Variants in IRX2 observed in about 807,000 individuals in gnomAD.
IRX2 encodes iroquois-class homeodomain protein IRX-2.
IRX2 carries 26 observed loss-of-function variants against 42.9 expected under a neutral mutation model. The ratio of observed to expected loss-of-function variants is 0.61; its 90% CI spans 0.44 to 0.84. IRX2 has a LOEUF of 0.84. Ranked by LOEUF, IRX2 falls within the 40% of genes least tolerant of loss-of-function variation. The pLI is 0.00. For synonymous variants in IRX2, 424 were observed against 353.9 expected, an observed-to-expected ratio of 1.20 and a Z score of -2.22; for missense variants, 782 against 713.9, an observed-to-expected ratio of 1.10 and a Z score of -1.09.
the IRX2 span, among the ~76,000 whole-genome samples, chr5:2,739,073 G>A: frequency 1.3e-5 from 2 of 152,216 alleles, no homozygotes; most frequent in African/African-American, 4.8e-5. Flanking sequence ...GCCCTCCAGC[G>A]GGTTCTGGTG....
At position 2,751,345 on chromosome 5, in the gene IRX2, G is replaced by A. The variant is rs1269177112; in HGVS notation, c.69C>T (p.Tyr23=). The A allele has an allele frequency of 2.1e-6, 3 of 1,441,098 alleles. 1 individual carries two copies. Among genetic ancestry groups the A allele is most frequent in the South Asian group, 2.6e-5 (2 of 76,094 alleles). 89.3% of individuals were successfully genotyped at this position (1,441,098 alleles called of 1,614,324 possible). The change falls in exon 1 of 4, where the codon TAC becomes TAT. Residue 23 remains tyrosine (Y), a synonymous_variant. Transcript: ENST00000302057. This position sits in a 1 kb window ranked among gnomAD's most constrained non-coding sequence, Gnocchi z 4.0. The stretch of plus-strand genomic sequence containing the variant: ...GCGGAGCCGCCAAAGCCGACGCGCC[G>A]TAGGCCGGGCACGAGTAGAGCGCCA... ...GSLALYSCPA[Y]GASALAAPRS...
downstream of IRX2, among the ~76,000 whole-genome samples, chr5:2,745,572 G>T (rs1200339411): frequency 6.6e-6 from 1 of 152,112 alleles, no homozygotes; most frequent in African/African-American, 2.4e-5. Flanking sequence ...TTCCCCCAGG[G>T]TAAGAGTAAG....
At chr5:2,735,719 A>T in the IRX2 span, among the ~76,000 whole-genome samples, 1 of 152,210 alleles carries the variant, frequency 6.6e-6, no homozygotes, top group South Asian at 2.1e-4. Flanking sequence ...ATGTAAGCAG[A>T]GTCTGGCATC....
chr5:2,743,365 G>A (rs1465090225), downstream of IRX2, among the ~76,000 whole-genome samples: 1 of 152,290 alleles, frequency 6.6e-6, no homozygotes, highest in East Asian at 1.9e-4. Context: ...GGCGCGGGAG[G>A]CAGCGCCCGC....
rs1737996325 is a variant in IRX2 at position 2,751,589 on chromosome 5, G to A, written c.-176C>T. On this transcript the variant is annotated 5_prime_UTR_variant, in exon 1 of 4. Transcript: ENST00000302057. The surrounding 1 kb of genome is among the most constrained non-coding windows in gnomAD (Gnocchi z 4.0). ...CGCGGGCCGGGGCGGCGGCGGGGTG[G>A]CGGTGGCGGCGGCAGCAGCGCGGAG... The A allele has an allele frequency of 9.8e-6, 2 of 203,468 alleles. No homozygotes were observed. Among genetic ancestry groups the A allele is most frequent in the South Asian group, 3.0e-4 (2 of 6,662 alleles). The allele number at this position is 203,468 out of a possible 1,614,324, so 12.6% of individuals were successfully genotyped here. A position where few individuals can be genotyped will look rare whatever the true frequency, so the allele number is the denominator to read the frequency against.
chr5:2,741,939 G>A (rs979728070), downstream of IRX2, among the ~76,000 whole-genome samples: 3 of 152,164 alleles, frequency 2.0e-5, no homozygotes, highest in African/African-American at 7.2e-5. Flanking sequence ...CTGGGATTGC[G>A]CAAATACGGA....
At chr5:2,738,679 G>A in the IRX2 span, among the ~76,000 whole-genome samples, 5,632 of 152,114 alleles carry the variant, frequency 0.037, 386 homozygotes, top group African/African-American at 0.13. Flanking sequence ...AGGTTACAAA[G>A]CACCCACCCC....
downstream of IRX2, among the ~76,000 whole-genome samples, chr5:2,741,814 T>C (rs948105212): frequency 2.0e-5 from 3 of 152,260 alleles, no homozygotes; most frequent in Non-Finnish European, 4.4e-5. Flanking sequence ...TTACATTTCA[T>C]TTATTTACAG....
the IRX2 span, among the ~76,000 whole-genome samples, chr5:2,738,843 C>A: frequency 6.6e-6 from 1 of 152,218 alleles, no homozygotes; most frequent in East Asian, 1.9e-4. Context: ...TCAGGGCCGC[C>A]AGAGGTCGCG....
At chr5:2,748,319 G>A in intron 3 of IRX2, 26 bp downstream of exon 3, 1 of 1,380,276 alleles carries the variant, frequency 7.2e-7, no homozygotes, top group Non-Finnish European at 9.3e-7. Flanking sequence ...TCCCCTCCCG[G>A]GCGCCGCCGG....
At chr5:2,742,124 T>C (rs956638870), downstream of IRX2, among the ~76,000 whole-genome samples, 18 of 152,178 alleles carry the variant, frequency 1.2e-4, no homozygotes, top group African/African-American at 4.3e-4. Context: ...GCCACATCCA[T>C]CTGTTTCTAG....
At position 2,751,515 on chromosome 5, in the gene IRX2, C is replaced by T; in HGVS notation, c.-102G>A. On this transcript the variant is annotated 5_prime_UTR_variant, in exon 1 of 4. Coordinates refer to ENST00000302057, the MANE Select transcript of IRX2 (RefSeq NM_033267.5). The surrounding 1 kb of genome is among the most constrained non-coding windows in gnomAD (Gnocchi z 4.0). ...CGGGGCGCGGCGCGGCGGCGGGCACCCGGACGGCCGGCGGAGGCAGGCCGG... is the reference window on the plus strand; with the variant it reads ...CGGGGCGCGGCGCGGCGGCGGGCACTCGGACGGCCGGCGGAGGCAGGCCGG... 2.4e-6 allele frequency: 2 copies of T among 839,158 alleles called. No homozygotes were observed. Among genetic ancestry groups the T allele is most frequent in the Non-Finnish European group, 2.9e-6 (2 of 700,064 alleles). The allele number at this position is 839,158 out of a possible 1,614,324, so 52.0% of individuals were successfully genotyped here.
Position 2,749,483 on chromosome 5 carries a change from T to C in IRX2, c.554A>G (p.Lys185Arg). Residue 185 changes from lysine to arginine, a missense_variant, in exon 2 of 4, where the codon AAA becomes AGA. Coordinates refer to ENST00000302057, the MANE Select transcript of IRX2 (RefSeq NM_033267.5). The part of the protein sequence containing the change: ...ENKMTWAPRN[K>R]SEDEDEDEGD... ...CTCGTCCTCGTCCTCATCTTCGCTTTTGTTTCTCGGGGCCCAGGTCATCTT... is the reference window on the plus strand; with the variant it reads ...CTCGTCCTCGTCCTCATCTTCGCTTCTGTTTCTCGGGGCCCAGGTCATCTT... 1 of 1,614,146 alleles carries C rather than the reference T, an allele frequency of 6.2e-7. No homozygotes were observed. Among genetic ancestry groups the C allele is most frequent in the Non-Finnish European group, 8.5e-7 (1 of 1,180,004 alleles).
At chr5:2,747,894 C>A (rs555466033) in intron 3 of IRX2, among the ~76,000 whole-genome samples, 1 of 152,210 alleles carries the variant, frequency 6.6e-6, no homozygotes, top group African/African-American at 2.4e-5. Flanking sequence ...CAACAAAAAG[C>A]GGAAAAAACA....
chr5:2,750,954 G>A (rs924633324), intron 1 of IRX2, among the ~76,000 whole-genome samples: 4 of 151,814 alleles, frequency 2.6e-5, no homozygotes, highest in Non-Finnish European at 4.4e-5. Context: ...GGTCCCGGCC[G>A]GGCTCAGGGA....
downstream of IRX2, among the ~76,000 whole-genome samples, chr5:2,744,137 C>G (rs376130459): frequency 6.7e-6 from 1 of 149,380 alleles, no homozygotes; most frequent in Non-Finnish European, 1.5e-5. Context: ...GAACAGGGAT[C>G]GCATGTTCAG....
intron 3 of IRX2, 76 bp downstream of exon 3, chr5:2,748,269 G>T (rs565920856): frequency 8.5e-6 from 11 of 1,291,890 alleles, no homozygotes; most frequent in Middle Eastern, 2.8e-4. Flanking sequence ...CCCTCCCTCG[G>T]GTCTCCCGGG....
the IRX2 span, among the ~76,000 whole-genome samples, chr5:2,738,326 T>C: frequency 6.6e-6 from 1 of 152,342 alleles, no homozygotes; most frequent in Non-Finnish European, 1.5e-5. Flanking sequence ...TCTGGGCCCA[T>C]TATCATGAAG....
chr5:2,750,078 C>T (rs1226133086), intron 1 of IRX2, among the ~76,000 whole-genome samples: 2 of 152,144 alleles, frequency 1.3e-5, no homozygotes, highest in African/African-American at 4.8e-5. Flanking sequence ...GTACACAAAC[C>T]CTTGCACGTG....
Sources: allele counts gnomAD v4.1 joint callset (sites outside exome capture counted in the v4.1 genomes callset), GRCh38; gene constraint gnomAD v4.1.1; non-coding constraint Gnocchi (gnomAD v3.1); transcripts MANE v1.5; gene names NCBI Gene and HGNC (gene_info 2026-07-23, HGNC 2026-07-21).